The following LBP variants were observed in gnomAD, a reference collection of about 807,000 sequenced individuals.
LBP encodes lipopolysaccharide-binding protein.
A neutral mutation model predicts 56.6 loss-of-function variants in LBP; 53 were observed. The observed-to-expected ratio is 0.94, with a 90% confidence interval of 0.75 to 1.18. The LOEUF is 1.18. LBP is among the 50% of genes most tolerant of loss of function. LBP has a pLI of 0.00. For synonymous variants in LBP, 227 were observed against 247.5 expected (o/e 0.92, Z 0.78); for missense variants, 601 against 598.3 (o/e 1.00, Z -0.05).
At chr20:38,354,501 G>A (rs953713220) in intron 4 of LBP, 62 bp downstream of exon 4, 66 of 1,465,494 alleles carry the variant, frequency 4.5e-5, no homozygotes, top group African/African-American at 9.8e-5. Context: ...CCAATCCAGC[G>A]CTCAGCCTGG....
At chr20:38,374,534 T>C (rs1171351275) in intron 14 of LBP, among the ~76,000 whole-genome samples, 1 of 148,762 alleles carries the variant, frequency 6.7e-6, no homozygotes, top group East Asian at 2.0e-4. Flanking sequence ...GAGGTGAAGG[T>C]TGCAGTGAGC....
intron 5 of LBP, among the ~76,000 whole-genome samples, chr20:38,359,936 A>G (rs1255528269): frequency 2.0e-5 from 3 of 152,172 alleles, no homozygotes; most frequent in South Asian, 2.1e-4. Context: ...AGTCCAGCCA[A>G]TCTGTTCAGG....
intron 5 of LBP, among the ~76,000 whole-genome samples, chr20:38,358,927 G>T (rs2076850224): frequency 6.6e-6 from 1 of 152,204 alleles, no homozygotes; most frequent in African/African-American, 2.4e-5. Context: ...GGAGTTTCAG[G>T]CAGCGTCTCC....
At position 38,376,869 on chromosome 20, in the gene LBP, C is replaced by T; in HGVS notation, c.*200C>T. ...CCCTCTCTGAGTCTGGACTTTGCTT[C>T]CCCTCCAGGAGGGACCACCCTCCCC... On this transcript the variant is annotated 3_prime_UTR_variant, in exon 15 of 15. Transcript: ENST00000217407. The T allele has an allele frequency of 1.4e-6, 1 of 700,802 alleles. No homozygotes were observed. Among genetic ancestry groups the T allele is most frequent in the Admixed American group, 2.0e-5 (1 of 49,844 alleles). 43.4% of individuals were successfully genotyped at this position (700,802 alleles called of 1,614,324 possible). A position where few individuals can be genotyped will look rare whatever the true frequency, so the allele number is the denominator to read the frequency against.
At chr20:38,360,965 C>T (rs2076858150) in intron 6 of LBP, among the ~76,000 whole-genome samples, 198 bp downstream of exon 6, 1 of 152,100 alleles carries the variant, frequency 6.6e-6, no homozygotes, top group Non-Finnish European at 1.5e-5. Context: ...GAGTTCGAGA[C>T]CAGCCTGGCC....
chr20:38,349,821 G>A (rs5744202), intron 2 of LBP, among the ~76,000 whole-genome samples, 159 bp downstream of exon 2: 2,027 of 152,222 alleles, frequency 0.013, 38 homozygotes, highest in Non-Finnish European at 0.019. Flanking sequence ...AGGAAATTCT[G>A]GGAAGGAATT....
chr20:38,346,688 G>C (rs778614764), intron 1 of LBP, 48 bp downstream of exon 1: 13 of 1,608,860 alleles, frequency 8.1e-6, no homozygotes, highest in Admixed American at 6.7e-5. Flanking sequence ...CACGCTCCAG[G>C]CTGCTCTGGG....
intron 1 of LBP, among the ~76,000 whole-genome samples, chr20:38,348,513 A>G (rs1411271321): frequency 1.3e-5 from 2 of 152,016 alleles, no homozygotes; most frequent in Admixed American, 6.6e-5. Flanking sequence ...GGATTTCACT[A>G]TGTTGGCCAG....
chr20:38,368,096 G>A (rs1018220839), intron 9 of LBP, among the ~76,000 whole-genome samples: 1 of 152,150 alleles, frequency 6.6e-6, no homozygotes, highest in African/African-American at 2.4e-5. Flanking sequence ...CATATTAAAA[G>A]AGTAATACGA....
Position 38,363,296 on chromosome 20 carries a change from G to A in LBP, c.653-679G>A, listed in dbSNP as rs77201743. ...TAACAGACCTTATTTGTTAACAGCCGTGTAGTGTTCCATCACATGGATGTG... is the reference window on the plus strand; with the variant it reads ...TAACAGACCTTATTTGTTAACAGCCATGTAGTGTTCCATCACATGGATGTG... On this transcript the variant is annotated intron_variant, in intron 6 of 14. Transcript: ENST00000217407. 1.8e-4 allele frequency among the ~76,000 whole-genome samples: 27 copies of A among 152,282 alleles called. No homozygotes were observed. The East Asian group carries it at 3.5e-3, about 20-fold the overall frequency.
intron 10 of LBP, among the ~76,000 whole-genome samples, chr20:38,370,325 A>G (rs2076896774): frequency 1.3e-5 from 2 of 152,182 alleles, no homozygotes; most frequent in Admixed American, 6.5e-5. Flanking sequence ...GCAGTGAGCC[A>G]TGATTGCACC....
chr20:38,356,630 G>T (rs2076842303), intron 5 of LBP, among the ~76,000 whole-genome samples: 1 of 152,108 alleles, frequency 6.6e-6, no homozygotes, highest in South Asian at 2.1e-4. Context: ...CAGGCACCCT[G>T]TTGCCATATT....
At chr20:38,350,071 CAGG>C (rs2076815133) in intron 2 of LBP, among the ~76,000 whole-genome samples, 2 of 152,178 alleles carry the variant, frequency 1.3e-5, no homozygotes, top group South Asian at 4.2e-4. Flanking sequence ...GGAAGGCTTC[CAGG>C]AGAAGGTGGC....
At chr20:38,367,439 G>A (rs1479902704) in intron 9 of LBP, among the ~76,000 whole-genome samples, 1 of 152,134 alleles carries the variant, frequency 6.6e-6, no homozygotes, top group African/African-American at 2.4e-5. Context: ...GGGCAACAGA[G>A]TGAGACCCTG....
intron 13 of LBP, among the ~76,000 whole-genome samples, chr20:38,373,604 A>T (rs1399398295): frequency 6.6e-6 from 1 of 152,166 alleles, no homozygotes; most frequent in Non-Finnish European, 1.5e-5. Context: ...AAGGGCAGGG[A>T]GTGGAACGCC....
chr20:38,353,479 CTTTTTTTTTTT>C (rs35504317), intron 3 of LBP, among the ~76,000 whole-genome samples: 2 of 69,100 alleles, frequency 2.9e-5, no homozygotes, highest in African/African-American at 9.4e-5. Flanking sequence ...AGGCTGCTTC[CTTTTTTTTTTT>C]TTTTTTTTTT....
chr20:38,351,424 A>G (rs1315327811), intron 3 of LBP, among the ~76,000 whole-genome samples: 1 of 151,734 alleles, frequency 6.6e-6, no homozygotes, highest in East Asian at 1.9e-4. Flanking sequence ...CCACGCTGTC[A>G]CCCCGTCCTC....
chr20:38,373,048 T>C, intron 12 of LBP, 24 bp from the exon 13 acceptor site: 2 of 1,610,104 alleles, frequency 1.2e-6, no homozygotes. Flanking sequence ...GCGATGTAAA[T>C]ATATCTCTCC....
intron 8 of LBP, among the ~76,000 whole-genome samples, chr20:38,365,139 G>A (rs1207226954): frequency 1.3e-5 from 2 of 151,572 alleles, no homozygotes; most frequent in African/African-American, 4.9e-5. Context: ...GGAGGCTGAG[G>A]TGGGAGAATC....
Sources: allele counts gnomAD v4.1 joint callset (sites outside exome capture counted in the v4.1 genomes callset), GRCh38; gene constraint gnomAD v4.1.1; transcripts MANE v1.5; gene names NCBI Gene and HGNC (gene_info 2026-07-23, HGNC 2026-07-21).